COL4A2: variants seen among roughly 807,000 people sequenced by gnomAD.
COL4A2 encodes the protein collagen type IV alpha 2 chain, also known as collagen alpha-2(IV) chain.
A neutral mutation model predicts 200.2 loss-of-function variants in COL4A2; 99 were observed. The observed-to-expected ratio is 0.49, with a 90% CI of 0.42 to 0.58. COL4A2 has a LOEUF of 0.58. Among genes scored for constraint, COL4A2 ranks in the 20% least tolerant of loss-of-function variants. The pLI, the probability that COL4A2 is intolerant of heterozygous loss-of-function variation, is 0.00. For missense variants in COL4A2, 1,950 were observed against 2,314.1 expected (o/e 0.84, Z 3.23); for synonymous variants, 897 against 900.6 (o/e 1.00, Z 0.07).
chr13:110,478,329 AAC>A (rs1025095564), intron 30 of COL4A2, among the ~76,000 whole-genome samples, 165 bp downstream of exon 30: 88 of 152,334 alleles, frequency 5.8e-4, no homozygotes, highest in African/African-American at 1.9e-3. Flanking sequence ...AGGAGACACA[AAC>A]AGCCTGAGAC....
chr13:110,312,946 G>A (rs12864206), intron 3 of COL4A2, among the ~76,000 whole-genome samples: 33,187 of 152,202 alleles, frequency 0.22, 4,346 homozygotes, highest in East Asian at 0.42. Context: ...GAGGTCAGCA[G>A]TGAGGGCTGG....
At chr13:110,311,898 C>A (rs1433961610) in intron 3 of COL4A2, among the ~76,000 whole-genome samples, 2 of 152,218 alleles carry the variant, frequency 1.3e-5, no homozygotes, top group Non-Finnish European at 2.9e-5. Flanking sequence ...CCTCGGGGCT[C>A]CAGCCCCAGG....
intron 20 of COL4A2, chr13:110,456,964 G>T (rs1881769870): frequency 2.3e-6 from 1 of 438,740 alleles, no homozygotes. Context: ...GGGACCCCAG[G>T]CGTCCGTGGG....
intron 3 of COL4A2, among the ~76,000 whole-genome samples, chr13:110,327,694 T>C (rs1290471447): frequency 1.3e-5 from 2 of 152,184 alleles, no homozygotes; most frequent in Admixed American, 1.3e-4. Flanking sequence ...TGGGTGTCAG[T>C]GAAGCATTAA....
At chr13:110,463,535 A>G (rs1276736871) in intron 24 of COL4A2, among the ~76,000 whole-genome samples, 2 of 152,034 alleles carry the variant, frequency 1.3e-5, no homozygotes, top group Non-Finnish European at 2.9e-5. Context: ...TCCATAACCC[A>G]TGTCTTCTCT....
rs1883723963 is a variant in COL4A2 at position 110,503,449 on chromosome 13, C to G, written c.4106C>G (p.Pro1369Arg). Residue 1369 changes from proline (P) to arginine (R), a missense_variant, in exon 43 of 48, where the codon CCC (proline) becomes CGC (arginine). Transcript: ENST00000360467. ...ACTGGGGCGGTGGGCGACAGAGGCC[C>G]CAAGGGACCCAAGGGAGACCCAGGA... ...GPTGAVGDRG[P>R]KGPKGDPGFP... The G allele has an allele frequency of 6.4e-7, 1 of 1,572,986 alleles. No individual in the cohort carries two copies. The highest frequency in any genetic ancestry group is 1.9e-5 in the Admixed American group (1 of 53,486).
intron 3 of COL4A2, among the ~76,000 whole-genome samples, chr13:110,324,202 C>T (rs916084464): frequency 1.3e-5 from 2 of 152,080 alleles, no homozygotes; most frequent in African/African-American, 2.4e-5. Context: ...TCAGGGCAGG[C>T]AGAGGTTGGC....
intron 18 of COL4A2, 76 bp from the exon 19 acceptor site, chr13:110,449,603 C>G: frequency 1.5e-5 from 20 of 1,364,604 alleles, no homozygotes; most frequent in Non-Finnish European, 1.9e-5. Flanking sequence ...AATATGTAGT[C>G]AATGAAAAAG....
chr13:110,307,828 T>G lies in COL4A2; in HGVS notation c.-44-32T>G. 2 of 1,526,538 alleles carry G rather than the reference T, an allele frequency of 1.3e-6. No homozygotes were observed. Among genetic ancestry groups the G allele is most frequent in the Non-Finnish European group, 1.8e-6 (2 of 1,129,724 alleles). The allele number at this position is 1,526,538 out of a possible 1,614,324, so 94.6% of individuals were successfully genotyped here. ...TGAGGATGGGCTGCCTCCCTCATCC[T>G]GCGCTAAACTCGCTTTGTCTGTCGC... On this transcript the variant is annotated intron_variant, in intron 1 of 47. Coordinates refer to ENST00000360467, the MANE Select transcript of COL4A2 (RefSeq NM_001846.4). This position sits in a 1 kb window ranked among gnomAD's most constrained non-coding sequence, Gnocchi z 5.0.
At chr13:110,432,455 CTATT>C in intron 11 of COL4A2, 95 bp downstream of exon 11, 2 of 1,415,434 alleles carry the variant, frequency 1.4e-6, no homozygotes, top group Non-Finnish European at 9.4e-7. Flanking sequence ...TGGTTGGCAA[CTATT>C]TATTGTTTAT....
intron 34 of COL4A2, among the ~76,000 whole-genome samples, chr13:110,488,132 TCCCCTGCCA>T (rs1883169021): frequency 6.6e-6 from 1 of 152,170 alleles, no homozygotes; most frequent in South Asian, 2.1e-4. Context: ...TTCAAGCGAT[TCCCCTGCCA>T]CAGCCTCCCA....
chr13:110,416,985 C>CTTT (rs72026998), intron 4 of COL4A2, among the ~76,000 whole-genome samples: 3 of 143,448 alleles, frequency 2.1e-5, no homozygotes, highest in Non-Finnish European at 1.5e-5. Flanking sequence ...GCAGACTTTT[C>CTTT]TTTTTTTTTT....
chr13:110,325,196 C>T (rs916392277), intron 3 of COL4A2, among the ~76,000 whole-genome samples: 4 of 152,176 alleles, frequency 2.6e-5, no homozygotes, highest in East Asian at 3.9e-4. Context: ...CGGAAATCAA[C>T]GCATTTTTAA....
chr13:110,425,229 AC>A (rs1277640918), intron 6 of COL4A2, among the ~76,000 whole-genome samples: 1 of 152,180 alleles, frequency 6.6e-6, no homozygotes, highest in Non-Finnish European at 1.5e-5. Context: ...ATTTTGCTAA[AC>A]TGCACATTGT....
At chr13:110,410,445 C>A (rs1341359107) in intron 4 of COL4A2, among the ~76,000 whole-genome samples, 1 of 152,192 alleles carries the variant, frequency 6.6e-6, no homozygotes, top group East Asian at 1.9e-4. Flanking sequence ...TCTTGGACAG[C>A]CCCTTGGGGT....
chr13:110,382,054 T>C (rs1012908150), intron 4 of COL4A2, among the ~76,000 whole-genome samples: 1 of 152,238 alleles, frequency 6.6e-6, no homozygotes, highest in Admixed American at 6.5e-5. Flanking sequence ...GCATCATTTG[T>C]GTCCTACTGC....
intron 3 of COL4A2, among the ~76,000 whole-genome samples, chr13:110,335,661 G>A (rs552003381): frequency 4.1e-4 from 62 of 152,130 alleles, no homozygotes; most frequent in South Asian, 8.3e-4. Flanking sequence ...CCAGTTTCTT[G>A]TCCCTGATGT....
intron 3 of COL4A2, among the ~76,000 whole-genome samples, chr13:110,352,480 C>A (rs2139382263): frequency 6.6e-6 from 1 of 152,374 alleles, no homozygotes; most frequent in African/African-American, 2.4e-5. Context: ...AATGTCTAAT[C>A]TGCCCCCTAC....
intron 36 of COL4A2, among the ~76,000 whole-genome samples, chr13:110,490,954 G>C (rs1475329872): frequency 6.6e-6 from 1 of 152,196 alleles, no homozygotes; most frequent in Non-Finnish European, 1.5e-5. Flanking sequence ...CACAATGGAA[G>C]GGTGGGGCCA....
Sources: allele counts gnomAD v4.1 joint callset (sites outside exome capture counted in the v4.1 genomes callset), GRCh38; gene constraint gnomAD v4.1.1; non-coding constraint Gnocchi (gnomAD v3.1); transcripts MANE v1.5; gene names NCBI Gene and HGNC (gene_info 2026-07-23, HGNC 2026-07-21).